The following PRPSAP1 variants were observed in gnomAD, a reference collection of about 807,000 sequenced individuals.
PRPSAP1 encodes phosphoribosyl pyrophosphate synthase-associated protein 1.
A neutral mutation model predicts 39.4 loss-of-function variants in PRPSAP1; 31 were observed. The ratio of observed to expected loss-of-function variants is 0.79; its 90% confidence interval spans 0.59 to 1.06. The LOEUF (loss-of-function observed/expected upper bound fraction) is 1.06, where lower values mean the gene tolerates loss of function less well. PRPSAP1 is among the 50% of genes least tolerant of loss of function. The probability of loss-of-function intolerance (pLI) is 0.00; values close to 1 mark genes in which losing one functional copy is unlikely to be tolerated. For missense variants in PRPSAP1, 430 were observed against 511.6 expected, an observed-to-expected ratio of 0.84 and a Z score of 1.54; for synonymous variants, 212 against 192.6, an observed-to-expected ratio of 1.10 and a Z score of -0.83.
chr17:76,321,895 T>C (rs931388032), intron 7 of PRPSAP1, among the ~76,000 whole-genome samples: 9 of 152,048 alleles, frequency 5.9e-5, no homozygotes, highest in East Asian at 1.9e-4. Flanking sequence ...ACAGAGAAGT[T>C]TGAGTGATCT....
chr17:76,325,095 T>C (rs2071240549), intron 7 of PRPSAP1, among the ~76,000 whole-genome samples: 1 of 132,668 alleles, frequency 7.5e-6, no homozygotes, highest in African/African-American at 2.8e-5. Flanking sequence ...AAAAGAAAAA[T>C]TGCCTGAGGC....
In PRPSAP1 at chr17:76,311,695, C is replaced by G. The variant is rs1024941469; in HGVS notation, c.1005G>C (p.Val335=). The G allele has an allele frequency of 4.8e-5, 77 of 1,613,138 alleles. No individual in the cohort carries two copies. The highest frequency in any genetic ancestry group is 6.4e-5 in the Non-Finnish European group (76 of 1,179,680). The change falls in exon 10 of 10, where the codon GTG becomes GTC. Residue 335 remains valine, a synonymous_variant. Coordinates refer to ENST00000446526, the MANE Select transcript of PRPSAP1 (RefSeq NM_002766.3). ...LIEESSVDEV[V]VTNTVPHEVQ... ...CCTCATGAGGGACAGTATTCGTCAC[C>G]ACCACCTAGTCACACAGTGATGGAA...
At chr17:76,337,091 C>CT (rs991777710) in intron 3 of PRPSAP1, among the ~76,000 whole-genome samples, 3 of 151,942 alleles carry the variant, frequency 2.0e-5, no homozygotes, top group Non-Finnish European at 4.4e-5. Flanking sequence ...ACTTTTCTTT[C>CT]TTTTTTTTAA....
intron 2 of PRPSAP1, among the ~76,000 whole-genome samples, chr17:76,347,631 C>T (rs1304251034): frequency 2.0e-5 from 3 of 151,660 alleles, no homozygotes; most frequent in Non-Finnish European, 4.4e-5. Flanking sequence ...TTTATTCTAG[C>T]AGTGACAGGA....
chr17:76,320,563 TAC>T (rs2071185455), intron 7 of PRPSAP1, among the ~76,000 whole-genome samples: 1 of 150,192 alleles, frequency 6.7e-6, no homozygotes, highest in African/African-American at 2.5e-5. Flanking sequence ...TAGCTGGGAC[TAC>T]AGGCACACAC....
In PRPSAP1 at chr17:76,328,756, C is replaced by T. The variant is rs2071282047; in HGVS notation, c.742G>A (p.Val248Ile). 6.2e-7 allele frequency: 1 copy of T among 1,613,972 alleles called. No homozygotes were observed. The highest frequency in any genetic ancestry group is 1.3e-5 in the African/African-American group (1 of 74,888). The change falls in exon 7 of 10, where the codon GTC becomes ATC. Residue 248 changes from valine to isoleucine, a missense_variant. Physicochemically the swap from Val to Ile is conservative, Grantham distance 29. Around this residue, in one of 2 missense-constraint regions of PRPSAP1, gnomAD observed 278 missense variants for 376.3 expected, o/e 0.74. Coordinates refer to ENST00000446526, the MANE Select transcript of PRPSAP1 (RefSeq NM_002766.3). The part of the protein sequence containing the change: ...MDDGRHSPPM[V>I]KNATVHPGLE... ...CCTGGGTGCACAGTAGCATTTTTGACCATAGGCGGGGAGTGACGACCATCG... is the reference window on the plus strand; with the variant it reads ...CCTGGGTGCACAGTAGCATTTTTGATCATAGGCGGGGAGTGACGACCATCG...
intron 2 of PRPSAP1, chr17:76,345,940 C>G: frequency 2.2e-6 from 1 of 454,202 alleles, no homozygotes; most frequent in Non-Finnish European, 4.3e-6. Flanking sequence ...ACCTGCTCCT[C>G]CCTCCAAAGC....
chr17:76,320,549 C>G (rs2071185246), intron 7 of PRPSAP1, among the ~76,000 whole-genome samples: 1 of 149,960 alleles, frequency 6.7e-6, no homozygotes, highest in African/African-American at 2.5e-5. Flanking sequence ...CTCAGCCTAC[C>G]AAGTAGCTGG....
chr17:76,350,995 G>A (rs2071562326), intron 1 of PRPSAP1, among the ~76,000 whole-genome samples: 1 of 152,092 alleles, frequency 6.6e-6, no homozygotes, highest in African/African-American at 2.4e-5. Context: ...TGGCTCTATT[G>A]CACTCCAGCC....
intron 8 of PRPSAP1, chr17:76,313,423 T>TG: frequency 4.2e-6 from 1 of 240,354 alleles, no homozygotes; most frequent in East Asian, 8.8e-5. Context: ...TATTTAGAGC[T>TG]GGGAAAAAAA....
Position 76,310,041 on chromosome 17 carries a change from A to G in PRPSAP1, c.*1501T>C, listed in dbSNP as rs1199782274. On this transcript the variant is annotated 3_prime_UTR_variant, in exon 10 of 10. Coordinates refer to ENST00000446526, the MANE Select transcript of PRPSAP1 (RefSeq NM_002766.3). ...TGCTCTGTCACTTGGGCTGGAGTGC[A>G]GTGGCACAATCTCAGCTCACTGCAA... 1 of 149,946 alleles carries G rather than the reference A, an allele frequency of 6.7e-6. No individual in the cohort carries two copies. The highest frequency in any genetic ancestry group is 1.5e-5 in the Non-Finnish European group (1 of 67,908). 9.3% of individuals were successfully genotyped at this position (149,946 alleles called of 1,614,324 possible).
chr17:76,341,795 C>T (rs1351236766), intron 3 of PRPSAP1, among the ~76,000 whole-genome samples: 6 of 151,926 alleles, frequency 3.9e-5, no homozygotes, highest in Admixed American at 2.0e-4. Flanking sequence ...AAAAATTAGC[C>T]GGGCGTGGTG....
At chr17:76,343,279 C>T (rs1019208376) in intron 3 of PRPSAP1, among the ~76,000 whole-genome samples, 20 of 152,198 alleles carry the variant, frequency 1.3e-4, no homozygotes, top group African/African-American at 4.6e-4. Context: ...GAAGCATGAA[C>T]GTTCTCACTC....
Position 76,311,388 on chromosome 17 carries a change from CTT to C in PRPSAP1, c.*152_*153del. 1.3e-6 allele frequency: 1 copy of C among 782,604 alleles called. No homozygotes were observed. Among genetic ancestry groups the C allele is most frequent in the Non-Finnish European group, 1.9e-6 (1 of 516,784 alleles). The allele number at this position is 782,604 out of a possible 1,614,324, so 48.5% of individuals were successfully genotyped here. A position where few individuals can be genotyped will look rare whatever the true frequency, so the allele number is the denominator to read the frequency against. ...CATTAGCTCTGTCTTCTTCCTGACT[CTT>C]TTAATCCCTCCTCCCCATCAATCCG... On this transcript the variant is annotated 3_prime_UTR_variant, in exon 10 of 10. Coordinates refer to ENST00000446526, the MANE Select transcript of PRPSAP1 (RefSeq NM_002766.3).
chr17:76,312,403 C>T (rs1598514212), intron 9 of PRPSAP1, among the ~76,000 whole-genome samples: 1 of 151,376 alleles, frequency 6.6e-6, no homozygotes, highest in East Asian at 1.9e-4. Context: ...CCACACTGCA[C>T]TCCCAGCCTA....
intron 3 of PRPSAP1, among the ~76,000 whole-genome samples, chr17:76,342,026 G>C (rs2071444777): frequency 6.6e-6 from 1 of 152,066 alleles, no homozygotes; most frequent in African/African-American, 2.4e-5. Context: ...CAAAACTGTT[G>C]GAGAAAATGT....
At chr17:76,319,420 T>C (rs973625324) in intron 7 of PRPSAP1, 2 of 152,168 alleles carry the variant, frequency 1.3e-5, no homozygotes, top group African/African-American at 4.8e-5. Flanking sequence ...TTAATATTAG[T>C]GTCACTAAAA....
intron 3 of PRPSAP1, among the ~76,000 whole-genome samples, chr17:76,344,232 T>A (rs1257540635): frequency 1.3e-5 from 2 of 152,210 alleles, no homozygotes; most frequent in African/African-American, 4.8e-5. Flanking sequence ...GGTTCACGCC[T>A]TTCTCCTATC....
intron 2 of PRPSAP1, among the ~76,000 whole-genome samples, chr17:76,346,408 GA>G (rs959820449): frequency 6.6e-6 from 1 of 152,134 alleles, no homozygotes; most frequent in African/African-American, 2.4e-5. Context: ...CTTGTGCTCT[GA>G]AAAGACAAAT....
Sources: allele counts gnomAD v4.1 joint callset (sites outside exome capture counted in the v4.1 genomes callset), GRCh38; gene constraint gnomAD v4.1.1; regional missense constraint gnomAD v4.1.1; transcripts MANE v1.5; gene names NCBI Gene and HGNC (gene_info 2026-07-23, HGNC 2026-07-21).